GRID2: variants seen among roughly 807,000 people sequenced by gnomAD.
The protein encoded by GRID2 is glutamate ionotropic receptor delta type subunit 2, also known as glutamate receptor ionotropic, delta-2.
In GRID2, 33 loss-of-function variants were observed where a neutral mutation model predicts 114.8. The observed-to-expected ratio is 0.29, with a 90% CI of 0.22 to 0.38. The LOEUF (loss-of-function observed/expected upper bound fraction) is 0.38, where lower values mean the gene tolerates loss of function less well. Ranked by LOEUF, GRID2 falls within the 10% of genes least tolerant of loss-of-function variation. The pLI, the probability that GRID2 is intolerant of heterozygous loss-of-function variation, is 1.00. For synonymous variants in GRID2, 505 were observed against 449.9 expected (o/e 1.12, Z -1.55); for missense variants, 1,184 against 1,257.7 (o/e 0.94, Z 0.89).
intron 13 of GRID2, among the ~76,000 whole-genome samples, chr4:93,593,019 A>G (rs1409896434): frequency 2.0e-5 from 3 of 151,774 alleles, no homozygotes; most frequent in Non-Finnish European, 4.4e-5. Flanking sequence ...CCAATTTGCC[A>G]GTCTGTGTCT....
intron 1 of GRID2, among the ~76,000 whole-genome samples, chr4:92,439,410 G>C (rs546935700): frequency 6.6e-6 from 1 of 152,042 alleles, no homozygotes; most frequent in African/African-American, 2.4e-5. Context: ...TGACATTCCC[G>C]CCTTCTTATA....
At position 92,376,698 on chromosome 4, in the gene GRID2, A is replaced by G. The variant is rs377328323; in HGVS notation, c.88+71954A>G. ...TGCCTGGATATCCAGGCATTTCCAT[A>G]CATCCTCTGAAATCTAGGCAGAGGT... On this transcript the variant is annotated intron_variant, in intron 1 of 15. Transcript: ENST00000282020. 4.4e-4 allele frequency among the ~76,000 whole-genome samples: 67 copies of G among 152,128 alleles called. 1 individual carries two copies. In the South Asian group the frequency reaches 9.8e-3, roughly 22 times the overall value.
In GRID2 at chr4:93,217,104, A is replaced by G. The variant is rs113054674; in HGVS notation, c.963+193A>G. On this transcript the variant is annotated intron_variant, in intron 6 of 15. Coordinates refer to ENST00000282020, the MANE Select transcript of GRID2 (RefSeq NM_001510.4). ...TTGTTCTTTTTGATCTCATTATAGAAAAATTTCTACTTGCTTAATAAAAAA... is the reference window on the plus strand; with the variant it reads ...TTGTTCTTTTTGATCTCATTATAGAGAAATTTCTACTTGCTTAATAAAAAA... 787 of 414,262 alleles carry G rather than the reference A, an allele frequency of 1.9e-3. 5 individuals are homozygous for G. The highest frequency in any genetic ancestry group is 0.014 in the African/African-American group (692 of 49,856). 25.7% of individuals were successfully genotyped at this position (414,262 alleles called of 1,614,324 possible).
chr4:93,369,304 CA>C (rs907612122), intron 8 of GRID2, among the ~76,000 whole-genome samples: 1 of 152,124 alleles, frequency 6.6e-6, no homozygotes, highest in African/African-American at 2.4e-5. Context: ...AAACAGTTGT[CA>C]TTGGGTTTAG....
At chr4:93,677,876 C>T (rs1725067803) in intron 14 of GRID2, among the ~76,000 whole-genome samples, 1 of 151,994 alleles carries the variant, frequency 6.6e-6, no homozygotes, top group South Asian at 2.1e-4. Context: ...CAGAGCGCCT[C>T]TCCTCCTCCA....
intron 13 of GRID2, among the ~76,000 whole-genome samples, chr4:93,584,170 C>T (rs1055668037): frequency 1.3e-5 from 2 of 152,096 alleles, no homozygotes; most frequent in African/African-American, 4.8e-5. Context: ...TGGGAAAAAA[C>T]ATATTTCTTG....
chr4:92,641,436 G>A (rs1382514350), intron 2 of GRID2, among the ~76,000 whole-genome samples: 1 of 138,180 alleles, frequency 7.2e-6, no homozygotes, highest in East Asian at 2.2e-4. Context: ...CACCGAGCCT[G>A]GCCAATATTT....
intron 1 of GRID2, among the ~76,000 whole-genome samples, chr4:92,381,242 G>T: frequency 6.6e-6 from 1 of 152,036 alleles, no homozygotes; most frequent in Non-Finnish European, 1.5e-5. Flanking sequence ...CCAGGTGACG[G>T]AGTGACTGAA....
chr4:93,448,059 A>G (rs1413357951), intron 10 of GRID2, among the ~76,000 whole-genome samples: 1 of 151,914 alleles, frequency 6.6e-6, no homozygotes, highest in Non-Finnish European at 1.5e-5. Flanking sequence ...AAAATATCTA[A>G]TAGTAAGCAA....
chr4:93,058,031 G>A (rs944239767), intron 2 of GRID2, among the ~76,000 whole-genome samples: 9 of 150,696 alleles, frequency 6.0e-5, no homozygotes, highest in African/African-American at 2.0e-4. Flanking sequence ...TATACCTTCA[G>A]TTTTATTCTT....
intron 8 of GRID2, among the ~76,000 whole-genome samples, chr4:93,332,679 A>G (rs1020907593): frequency 1.3e-5 from 2 of 152,116 alleles, no homozygotes; most frequent in African/African-American, 2.4e-5. Context: ...GGAGATATAA[A>G]TTAGTTAAGA....
At chr4:92,630,928 A>T (rs1376077554) in intron 2 of GRID2, among the ~76,000 whole-genome samples, 1 of 152,002 alleles carries the variant, frequency 6.6e-6, no homozygotes, top group Non-Finnish European at 1.5e-5. Context: ...AAAATAAATA[A>T]CAAAGCTTCT....
At chr4:93,783,478 A>T (rs1012141152) in intron 1 of GRID2, among the ~76,000 whole-genome samples, 1 of 152,194 alleles carries the variant, frequency 6.6e-6, no homozygotes. Flanking sequence ...TTTGTACACT[A>T]TGGGATCCAT....
intron 14 of GRID2, among the ~76,000 whole-genome samples, chr4:93,626,802 G>A (rs889569350): frequency 6.6e-6 from 1 of 152,130 alleles, no homozygotes; most frequent in East Asian, 1.9e-4. Context: ...TCATTCTGAG[G>A]ATACAAAAGC....
At chr4:92,532,528 C>T (rs570297737) in intron 1 of GRID2, among the ~76,000 whole-genome samples, 1 of 152,024 alleles carries the variant, frequency 6.6e-6, no homozygotes, top group Admixed American at 6.6e-5. Flanking sequence ...AATCAGAGTC[C>T]CTTTTACAGC....
At chr4:92,306,888 T>A (rs1725435845) in intron 1 of GRID2, among the ~76,000 whole-genome samples, 1 of 152,184 alleles carries the variant, frequency 6.6e-6, no homozygotes, top group Non-Finnish European at 1.5e-5. Flanking sequence ...TCTGAGACAA[T>A]TAATTTGACT....
chr4:92,533,970 G>A (rs914936142), intron 1 of GRID2, among the ~76,000 whole-genome samples: 2 of 151,790 alleles, frequency 1.3e-5, no homozygotes, highest in Non-Finnish European at 2.9e-5. Flanking sequence ...AAGTATATTT[G>A]TATTCTAAAT....
chr4:92,540,067 T>C (rs1395894225), intron 1 of GRID2, among the ~76,000 whole-genome samples: 1 of 152,086 alleles, frequency 6.6e-6, no homozygotes, highest in Non-Finnish European at 1.5e-5. Flanking sequence ...ATTTAATAAA[T>C]AGTGCTGGGA....
At chr4:93,021,675 T>G (rs1018591860) in intron 2 of GRID2, among the ~76,000 whole-genome samples, 1 of 144,684 alleles carries the variant, frequency 6.9e-6, no homozygotes, top group Non-Finnish European at 1.5e-5. Flanking sequence ...ATACTATAAA[T>G]ATAATTATTT....
Sources: allele counts gnomAD v4.1 joint callset (sites outside exome capture counted in the v4.1 genomes callset), GRCh38; gene constraint gnomAD v4.1.1; transcripts MANE v1.5; gene names NCBI Gene and HGNC (gene_info 2026-07-23, HGNC 2026-07-21).